Variants in LEPR observed in about 807,000 individuals in gnomAD.
LEPR encodes the protein OB receptor.
A neutral mutation model predicts 114.7 loss-of-function variants in LEPR; 56 were observed. The observed-to-expected ratio is 0.49, with a 90% CI of 0.39 to 0.61. The LOEUF is 0.61. Among genes scored for constraint, LEPR ranks in the 20% least tolerant of loss-of-function variants. LEPR has a pLI of 0.00. For missense variants in LEPR, 1,202 were observed against 1,352.9 expected (o/e 0.89, Z 1.75); for synonymous variants, 443 against 461.4 (o/e 0.96, Z 0.51).
intron 14 of LEPR, among the ~76,000 whole-genome samples, chr1:65,612,640 C>A (rs1202713184): frequency 7.0e-6 from 1 of 142,624 alleles, no homozygotes. Context: ...ATGTGTCATA[C>A]CTCCTTATGC....
At chr1:65,587,030 T>C (rs969371981) in intron 5 of LEPR, among the ~76,000 whole-genome samples, 1 of 152,026 alleles carries the variant, frequency 6.6e-6, no homozygotes, top group Non-Finnish European at 1.5e-5. Context: ...TTTACAAATA[T>C]TCAGTGTATT....
At chr1:65,551,571 T>C (rs1429497038) in intron 2 of LEPR, among the ~76,000 whole-genome samples, 1 of 152,194 alleles carries the variant, frequency 6.6e-6, no homozygotes, top group African/African-American at 2.4e-5. Flanking sequence ...TTTATCATTT[T>C]TTATTGTGTC....
At chr1:65,600,619 C>G (rs1282667918) in intron 8 of LEPR, among the ~76,000 whole-genome samples, 1 of 151,926 alleles carries the variant, frequency 6.6e-6, no homozygotes, top group East Asian at 1.9e-4. Flanking sequence ...TAATTTCTTC[C>G]TATGTAAACC....
chr1:65,456,110 C>T (rs896814775), intron 2 of LEPR, among the ~76,000 whole-genome samples: 13 of 152,154 alleles, frequency 8.5e-5, no homozygotes, highest in East Asian at 1.9e-4. Flanking sequence ...TTGCGCTTCC[C>T]GAGTGAGGCA....
chr1:65,575,948 G>A (rs1233465014), intron 5 of LEPR, among the ~76,000 whole-genome samples: 1 of 151,444 alleles, frequency 6.6e-6, no homozygotes, highest in African/African-American at 2.5e-5. Context: ...CAGATCTGCT[G>A]TGTTACCTCT....
At chr1:65,537,959 C>G (rs1451248720) in intron 2 of LEPR, among the ~76,000 whole-genome samples, 2 of 152,094 alleles carry the variant, frequency 1.3e-5, no homozygotes, top group Non-Finnish European at 2.9e-5. Context: ...TAAGGAGATT[C>G]TTTCTTTCAA....
At chr1:65,617,926 T>G in intron 15 of LEPR, 38 bp from the exon 16 acceptor site, 1 of 1,567,674 alleles carries the variant, frequency 6.4e-7, no homozygotes, top group East Asian at 2.4e-5. Flanking sequence ...TTTTATTAAT[T>G]TTTAATTTAA....
Position 65,488,159 on chromosome 1 carries a change from CCTTT to C in LEPR, c.-21+62832_-21+62835del, listed in dbSNP as rs71058410. Among the ~76,000 whole-genome samples, 350 of 65,452 alleles carry C rather than the reference CCTTT, an allele frequency of 5.3e-3. 3 individuals are homozygous for C. The highest frequency in any genetic ancestry group is 7.8e-3 in the South Asian group (11 of 1,412). 42.9% of individuals were successfully genotyped at this position (65,452 alleles called of 152,430 possible). ...CCTCCCTCTCCTTCCTTCCTTCCTT[CCTTT>C]CTTTCTTTCTTTCTTTCTTTCTTTC... On this transcript the variant is annotated intron_variant, in intron 2 of 19. Coordinates refer to ENST00000349533, the MANE Select transcript of LEPR (RefSeq NM_002303.6).
At chr1:65,627,990 A>C (rs574700543) in intron 19 of LEPR, among the ~76,000 whole-genome samples, 1 of 152,156 alleles carries the variant, frequency 6.6e-6, no homozygotes, top group South Asian at 2.1e-4. Flanking sequence ...TGAAGCTGTC[A>C]TTTTCCTTCC....
rs898312291 is a variant in LEPR, at chr1:65,538,958, T to C, written c.-20-26588T>C. Among the ~76,000 whole-genome samples the C allele has an allele frequency of 2.6e-5, 4 of 151,986 alleles. No homozygotes were observed. The East Asian group carries it at 5.8e-4, about 22-fold the overall frequency. Reference sequence around the variant, plus strand: ...TTTTCTTGTATTTTTTTTGTGTGATTATTTTCTCCTTTCTATTCTTTTTTT... The same window carrying C: ...TTTTCTTGTATTTTTTTTGTGTGATCATTTTCTCCTTTCTATTCTTTTTTT... On this transcript the variant is annotated intron_variant, in intron 2 of 19. Transcript: ENST00000349533.
At chr1:65,433,205 G>A in intron 2 of LEPR, 1 of 985,006 alleles carries the variant, frequency 1.0e-6, no homozygotes, top group Non-Finnish European at 1.2e-6. Flanking sequence ...GGTTTGCCCT[G>A]ACTTCTCTAC....
At chr1:65,526,316 A>C (rs1196900998) in intron 2 of LEPR, 2 of 985,312 alleles carry the variant, frequency 2.0e-6, no homozygotes, top group South Asian at 4.7e-5. Context: ...CAAGCAAATT[A>C]AACAACAACA....
intron 2 of LEPR, among the ~76,000 whole-genome samples, chr1:65,548,511 A>C (rs1651977297): frequency 6.6e-6 from 1 of 152,102 alleles, no homozygotes; most frequent in Admixed American, 6.6e-5. Flanking sequence ...GTGCATATAT[A>C]TTTAAGATAG....
intron 2 of LEPR, among the ~76,000 whole-genome samples, chr1:65,508,302 G>A (rs1169134768): frequency 1.3e-5 from 2 of 152,144 alleles, no homozygotes; most frequent in East Asian, 3.8e-4. Context: ...TTTTCTTCTA[G>A]TAGTTTTATA....
rs567834592 is a variant in LEPR, at chr1:65,530,918, A to G, written c.-20-34628A>G. Among the ~76,000 whole-genome samples the G allele has an allele frequency of 2.0e-5, 3 of 152,032 alleles. No individual in the cohort carries two copies. In the East Asian group the frequency reaches 5.8e-4, roughly 29 times the overall value. On this transcript the variant is annotated intron_variant, in intron 2 of 19. Coordinates refer to ENST00000349533, the MANE Select transcript of LEPR (RefSeq NM_002303.6). ...ATCAACTCTCACGTGAGTTATTGCAAGGACCTCCAAACTGGTCTCCCTGCT... is the reference window on the plus strand; with the variant it reads ...ATCAACTCTCACGTGAGTTATTGCAGGGACCTCCAAACTGGTCTCCCTGCT...
At chr1:65,500,820 C>T (rs10157275) in intron 2 of LEPR, among the ~76,000 whole-genome samples, 31,419 of 152,004 alleles carry the variant, frequency 0.21, 4,145 homozygotes, top group African/African-American at 0.37. Flanking sequence ...CCACGTTGTT[C>T]AACTATACCT....
At chr1:65,550,741 A>C (rs1652257596) in intron 2 of LEPR, among the ~76,000 whole-genome samples, 2 of 152,274 alleles carry the variant, frequency 1.3e-5, no homozygotes, top group South Asian at 4.1e-4. Flanking sequence ...TTGACCGGGA[A>C]AGGGAACTCC....
intron 2 of LEPR, among the ~76,000 whole-genome samples, chr1:65,498,332 G>A (rs1332276019): frequency 1.3e-5 from 2 of 152,126 alleles, no homozygotes; most frequent in Non-Finnish European, 2.9e-5. Context: ...AATAACTGCT[G>A]AGGGCTTTCC....
chr1:65,432,845 A>G, intron 2 of LEPR: 1 of 657,854 alleles, frequency 1.5e-6, no homozygotes, highest in African/African-American at 2.0e-5. Flanking sequence ...ATTTGAGATC[A>G]TATGTTAATT....
Sources: allele counts gnomAD v4.1 joint callset (sites outside exome capture counted in the v4.1 genomes callset), GRCh38; gene constraint gnomAD v4.1.1; transcripts MANE v1.5; gene names NCBI Gene and HGNC (gene_info 2026-07-23, HGNC 2026-07-21).